The following MGMT variants were observed in gnomAD, a reference collection of about 807,000 sequenced individuals.
The protein encoded by MGMT is O-6-methylguanine-DNA methyltransferase, also known as methylated-DNA--protein-cysteine methyltransferase.
MGMT carries 14 observed loss-of-function variants against 15.9 expected under a neutral mutation model. That is an observed-to-expected ratio of 0.88 (90% CI 0.58 to 1.37). The LOEUF (loss-of-function observed/expected upper bound fraction) is 1.37, where lower values mean the gene tolerates loss of function less well. Ranked by LOEUF, MGMT falls within the 40% of genes most tolerant of loss-of-function variation. MGMT has a pLI of 0.00. For synonymous variants in MGMT, 130 were observed against 118.2 expected, an observed-to-expected ratio of 1.10 and a Z score of -0.65; for missense variants, 282 against 268.1, an observed-to-expected ratio of 1.05 and a Z score of -0.36.
chr10:129,497,646 C>T (rs531489870), intron 1 of MGMT, among the ~76,000 whole-genome samples: 109 of 152,310 alleles, frequency 7.2e-4, no homozygotes, highest in Non-Finnish European at 1.4e-3. Context: ...TCCTTTGTCT[C>T]CTCTAGTGCA....
chr10:129,541,108 T>G (rs1050435226), intron 2 of MGMT, among the ~76,000 whole-genome samples: 2 of 152,264 alleles, frequency 1.3e-5, no homozygotes, highest in Admixed American at 1.3e-4. Context: ...ACATTGCATC[T>G]GTGCTTGTGT....
rs192830678 is a variant in MGMT, at chr10:129,610,086, A to G, written c.125+73709A>G. Among the ~76,000 whole-genome samples, 16 of 152,294 alleles carry G rather than the reference A, an allele frequency of 1.1e-4. No homozygotes were observed. The East Asian group carries it at 2.9e-3, about 28-fold the overall frequency. Reference sequence around the variant, plus strand: ...ACTATTGTTTGGATTATTTTGGAGTATGCTTTGGTCTATTATTAAATATCC... The same window carrying G: ...ACTATTGTTTGGATTATTTTGGAGTGTGCTTTGGTCTATTATTAAATATCC... On this transcript the variant is annotated intron_variant, in intron 2 of 4. Coordinates refer to ENST00000651593, the MANE Select transcript of MGMT (RefSeq NM_002412.5).
At chr10:129,567,483 C>T (rs1589870931) in intron 2 of MGMT, among the ~76,000 whole-genome samples, 1 of 152,078 alleles carries the variant, frequency 6.6e-6, no homozygotes, top group Non-Finnish European at 1.5e-5. Context: ...GAGCCATCAC[C>T]CTAAGAAGAT....
intron 2 of MGMT, among the ~76,000 whole-genome samples, chr10:129,673,227 T>A (rs7918307): frequency 4.6e-5 from 7 of 152,084 alleles, no homozygotes; most frequent in Middle Eastern, 3.2e-3. Context: ...AAATTGTCGC[T>A]GTCTGCTCTT....
At chr10:129,509,771 G>T (rs1845662119) in intron 1 of MGMT, among the ~76,000 whole-genome samples, 1 of 152,180 alleles carries the variant, frequency 6.6e-6, no homozygotes. Context: ...ATGTAATTTT[G>T]TTTTTAATCA....
chr10:129,755,887 G>A (rs1177390017), intron 3 of MGMT, among the ~76,000 whole-genome samples: 6 of 152,180 alleles, frequency 3.9e-5, no homozygotes, highest in Non-Finnish European at 7.3e-5. Context: ...GGCTGGTCCC[G>A]GTCTGTGTCC....
At chr10:129,567,109 T>C (rs1397773858) in intron 2 of MGMT, among the ~76,000 whole-genome samples, 1 of 152,158 alleles carries the variant, frequency 6.6e-6, no homozygotes, top group Non-Finnish European at 1.5e-5. Flanking sequence ...CTGCTTTGTT[T>C]TCCTTTTTCA....
At chr10:129,741,004 G>A (rs751059414) in intron 3 of MGMT, among the ~76,000 whole-genome samples, 21 of 152,160 alleles carry the variant, frequency 1.4e-4, no homozygotes, top group Admixed American at 5.2e-4. Flanking sequence ...TCTGAGGAGC[G>A]TCTGTTGGAT....
intron 3 of MGMT, among the ~76,000 whole-genome samples, chr10:129,712,117 C>G (rs1848239819): frequency 6.6e-6 from 1 of 152,170 alleles, no homozygotes; most frequent in African/African-American, 2.4e-5. Flanking sequence ...CAGAACCCAT[C>G]TGGGCACGTC....
In MGMT at chr10:129,480,167, G is replaced by T. The variant is rs76536281; in HGVS notation, c.-13+12871G>T. On this transcript the variant is annotated intron_variant, in intron 1 of 4. Coordinates refer to ENST00000651593, the MANE Select transcript of MGMT (RefSeq NM_002412.5). ...TGTTGTGATATGTTTGGGTTGAAGCGCATCAAGAGAATCTGGCCTCACTCA... is the reference window on the plus strand; with the variant it reads ...TGTTGTGATATGTTTGGGTTGAAGCTCATCAAGAGAATCTGGCCTCACTCA... Among the ~76,000 whole-genome samples, 12 of 152,232 alleles carry T rather than the reference G, an allele frequency of 7.9e-5. 1 individual carries two copies. The highest frequency in any genetic ancestry group is 2.9e-4 in the African/African-American group (12 of 41,536).
At chr10:129,720,632 G>A (rs562730911) in intron 3 of MGMT, among the ~76,000 whole-genome samples, 2 of 152,342 alleles carry the variant, frequency 1.3e-5, no homozygotes, top group South Asian at 4.1e-4. Context: ...CTCAACTGTG[G>A]TAGTCACTGG....
chr10:129,564,641 G>C (rs184922837), intron 2 of MGMT, among the ~76,000 whole-genome samples: 341 of 22,556 alleles, frequency 0.015, 8 homozygotes, highest in African/African-American at 0.035. Flanking sequence ...CCCCTCCTCT[G>C]CTTCCTCACC....
intron 2 of MGMT, among the ~76,000 whole-genome samples, chr10:129,643,479 A>C (rs991559797): frequency 5.3e-5 from 8 of 152,206 alleles, no homozygotes; most frequent in Admixed American, 2.6e-4. Flanking sequence ...GCCAGGGCAC[A>C]GAGGCTTGCT....
chr10:129,759,056 C>A, intron 3 of MGMT, 146 bp from the exon 4 acceptor site: 1 of 1,004,898 alleles, frequency 1.0e-6, no homozygotes, highest in Non-Finnish European at 1.5e-6. Context: ...GACATGGTGG[C>A]AGCAGTGCAT....
chr10:129,598,115 G>A (rs762515870), intron 2 of MGMT, among the ~76,000 whole-genome samples: 19 of 152,174 alleles, frequency 1.2e-4, no homozygotes, highest in Non-Finnish European at 2.1e-4. Flanking sequence ...TCTAGGCACC[G>A]TGGATGCGGC....
intron 2 of MGMT, among the ~76,000 whole-genome samples, chr10:129,576,354 A>AT (rs1365155715): frequency 6.6e-6 from 1 of 152,220 alleles, no homozygotes; most frequent in Non-Finnish European, 1.5e-5. Flanking sequence ...AGTGGGCTTC[A>AT]TCCCTGGGAT....
intron 2 of MGMT, among the ~76,000 whole-genome samples, chr10:129,628,001 G>A (rs1022212332): frequency 2.0e-5 from 3 of 152,170 alleles, no homozygotes; most frequent in Admixed American, 6.5e-5. Context: ...CTTTGGAAGC[G>A]TCTGGCTGGT....
chr10:129,599,684 C>T (rs140658152), intron 2 of MGMT, among the ~76,000 whole-genome samples: 6 of 152,288 alleles, frequency 3.9e-5, no homozygotes, highest in East Asian at 1.9e-4. Context: ...CTTTCACACA[C>T]GATTCACTGA....
intron 2 of MGMT, among the ~76,000 whole-genome samples, chr10:129,597,213 A>G (rs1846761295): frequency 6.6e-6 from 1 of 152,190 alleles, no homozygotes; most frequent in Non-Finnish European, 1.5e-5. Flanking sequence ...AAGCCTGCAA[A>G]GGAACCTTCT....
Sources: gnomAD v4.1 joint callset for allele counts (sites outside exome capture counted in the v4.1 genomes callset) on GRCh38, gnomAD v4.1.1 for gene constraint, MANE v1.5 for transcripts, NCBI Gene and HGNC (gene_info 2026-07-23, HGNC 2026-07-21) for gene names.